ERAP1: variants seen among roughly 807,000 people sequenced by gnomAD.
ERAP1 encodes the protein adipocyte-derived leucine aminopeptidase.
A neutral mutation model predicts 103.7 loss-of-function variants in ERAP1; 86 were observed. The observed-to-expected ratio is 0.83, with a 90% CI of 0.70 to 0.99. The LOEUF (loss-of-function observed/expected upper bound fraction) is 0.99, where lower values mean the gene tolerates loss of function less well. Ranked by LOEUF, ERAP1 falls within the 50% of genes least tolerant of loss-of-function variation. The probability of loss-of-function intolerance (pLI) is 0.00; values close to 1 mark genes in which losing one functional copy is unlikely to be tolerated. For synonymous variants in ERAP1, 398 were observed against 402.4 expected (o/e 0.99, Z 0.13); for missense variants, 1,009 against 1,128.4 (o/e 0.89, Z 1.52).
chr5:96,913,710 G>A, the ERAP1 span, among the ~76,000 whole-genome samples: 16 of 152,182 alleles, frequency 1.1e-4, no homozygotes, highest in Admixed American at 6.5e-4. Flanking sequence ...CATCAAGTCC[G>A]AGTTGAATTA....
chr5:96,908,727 A>G, the ERAP1 span, among the ~76,000 whole-genome samples: 1 of 152,228 alleles, frequency 6.6e-6, no homozygotes, highest in Non-Finnish European at 1.5e-5. Context: ...CAAGCCTATG[A>G]GGAAGATAGT....
intron 3 of ERAP1, among the ~76,000 whole-genome samples, chr5:96,799,683 G>A (rs900434594): frequency 1.3e-5 from 2 of 152,174 alleles, no homozygotes; most frequent in African/African-American, 4.8e-5. Context: ...TTCTGTCCCA[G>A]GGAGTAATAC....
the ERAP1 span, among the ~76,000 whole-genome samples, chr5:96,837,761 G>T: frequency 5.7e-4 from 87 of 152,314 alleles, 1 homozygote; most frequent in East Asian, 0.014. Context: ...TCTGGCATTC[G>T]GGAGGAATGA....
At chr5:96,810,218 C>T (rs1199497538), upstream of ERAP1, among the ~76,000 whole-genome samples, 1 of 152,174 alleles carries the variant, frequency 6.6e-6, no homozygotes, top group African/African-American at 2.4e-5. Flanking sequence ...AGTTTCAAAG[C>T]CCTAGCAGGG....
chr5:96,913,248 G>T, the ERAP1 span: 1 of 1,217,658 alleles, frequency 8.2e-7, no homozygotes. Context: ...TTAATATATT[G>T]GTGGCTTGAG....
the ERAP1 span, among the ~76,000 whole-genome samples, chr5:96,878,684 T>C: frequency 6.6e-6 from 1 of 152,040 alleles, no homozygotes; most frequent in Non-Finnish European, 1.5e-5. Flanking sequence ...TCTCAGCACT[T>C]TGGGAGGCTG....
chr5:96,807,668 T>TCGCGCCCCGTCGCCTTCCTCC (rs879543923), intron 1 of ERAP1, among the ~76,000 whole-genome samples, 192 bp downstream of exon 1: 70 of 150,912 alleles, frequency 4.6e-4, no homozygotes, highest in African/African-American at 1.6e-3. Flanking sequence ...GCGCCCTGTC[T>TCGCGCCCCGTCGCCTTCCTCC]CGCGCCCCGT....
chr5:96,805,549 C>T (rs1457548675), intron 1 of ERAP1: 1 of 152,198 alleles, frequency 6.6e-6, no homozygotes, highest in East Asian at 1.9e-4. Context: ...GAATTCCCTT[C>T]TCCTCACCTC....
At chr5:96,768,310 T>C in intron 19 of ERAP1, 1 of 412,242 alleles carries the variant, frequency 2.4e-6, no homozygotes, top group Non-Finnish European at 4.6e-6. Flanking sequence ...TCTCGAGCTC[T>C]TGGGCTCAAG....
Position 96,786,145 on chromosome 5 carries a change from C to T in ERAP1, c.1760-174G>A, listed in dbSNP as rs1366801225. On this transcript the variant is annotated intron_variant, in intron 12 of 18. Coordinates refer to ENST00000443439, the MANE Select transcript of ERAP1 (RefSeq NM_001040458.3). Reference sequence around the variant, plus strand: ...GCAACTCAATAGACAAAAGCTAACACTAGCTTTAGACATCAATTTTGTGAG... The same window carrying T: ...GCAACTCAATAGACAAAAGCTAACATTAGCTTTAGACATCAATTTTGTGAG... 9.0e-6 allele frequency: 6 copies of T among 666,594 alleles called. No homozygotes were observed. The Admixed American group carries it at 1.3e-4, about 14-fold the overall frequency. 41.3% of individuals were successfully genotyped at this position (666,594 alleles called of 1,614,324 possible). A position where few individuals can be genotyped will look rare whatever the true frequency, so the allele number is the denominator to read the frequency against.
Position 96,776,404 on chromosome 5 carries a change from G to A in ERAP1, c.2818C>T (p.Arg940Cys), listed in dbSNP as rs558484855. 96 of 1,611,446 alleles carry A rather than the reference G, an allele frequency of 6.0e-5. No homozygotes were observed. The South Asian group carries it at 7.7e-4, about 13-fold the overall frequency. ...TGGCAAGGGAGGAATTTTTACATACGTTCAAGCTTTTCACTTTGCAGCCAC... is the reference window on the plus strand; with the variant it reads ...TGGCAAGGGAGGAATTTTTACATACATTCAAGCTTTTCACTTTGCAGCCAC... ...RVWLQSEKLE[R>C]M The change falls in exon 19 of 19, where the codon CGT becomes TGT. Residue 940 changes from arginine (R) to cysteine (C), a missense_variant. Transcript: ENST00000443439.
intron 18 of ERAP1, 51 bp from the exon 19 acceptor site, chr5:96,776,602 G>A: frequency 6.3e-7 from 1 of 1,596,308 alleles, no homozygotes; most frequent in Non-Finnish European, 8.5e-7. Flanking sequence ...ACATTAATCA[G>A]ATGTAACTTT....
chr5:96,825,220 T>C, the ERAP1 span, among the ~76,000 whole-genome samples: 1 of 152,246 alleles, frequency 6.6e-6, no homozygotes, highest in African/African-American at 2.4e-5. Flanking sequence ...CTTTTTAATT[T>C]CTTGAAACAT....
the ERAP1 span, among the ~76,000 whole-genome samples, chr5:96,859,097 AC>A: frequency 7.3e-6 from 1 of 136,406 alleles, no homozygotes; most frequent in Non-Finnish European, 1.5e-5. Context: ...ACACACACAC[AC>A]ACACACACTG....
chr5:96,775,600 G>T lies in ERAP1; in HGVS notation c.*796C>A. 1.4e-6 allele frequency: 1 copy of T among 706,724 alleles called. No individual in the cohort carries two copies. The highest frequency in any genetic ancestry group is 1.7e-6 in the Non-Finnish European group (1 of 575,580). 43.8% of individuals were successfully genotyped at this position (706,724 alleles called of 1,614,324 possible). A position where few individuals can be genotyped will look rare whatever the true frequency, so the allele number is the denominator to read the frequency against. Reference sequence around the variant, plus strand: ...TTTTGCAAAAGTGCGAGCACATTATGTAGAAACCACAAGTCCGCCAGGACT... The same window carrying T: ...TTTTGCAAAAGTGCGAGCACATTATTTAGAAACCACAAGTCCGCCAGGACT... On this transcript the variant is annotated 3_prime_UTR_variant, in exon 19 of 19. Transcript: ENST00000443439.
At chr5:96,774,297 T>TAAAG (rs1561649027), downstream of ERAP1, 2 of 167,908 alleles carry the variant, frequency 1.2e-5, no homozygotes, top group African/African-American at 2.4e-5. Context: ...TCCAGAAGTT[T>TAAAG]AAAGATGCCT....
chr5:96,909,301 C>T, the ERAP1 span, among the ~76,000 whole-genome samples: 2 of 152,290 alleles, frequency 1.3e-5, no homozygotes, highest in African/African-American at 4.8e-5. Flanking sequence ...AGCTAGATAC[C>T]AGGATCATGT....
chr5:96,934,395 G>C, the ERAP1 span: 1 of 152,254 alleles, frequency 6.6e-6, no homozygotes. Context: ...CTAAGCAGAA[G>C]AAACAGTTCT....
At chr5:96,862,139 C>G in the ERAP1 span, among the ~76,000 whole-genome samples, 2 of 152,112 alleles carry the variant, frequency 1.3e-5, no homozygotes, top group Non-Finnish European at 2.9e-5. Flanking sequence ...CACAATCATG[C>G]CCAGCTAGTT....
Sources: gnomAD v4.1 joint callset for allele counts (sites outside exome capture counted in the v4.1 genomes callset) on GRCh38, gnomAD v4.1.1 for gene constraint, MANE v1.5 for transcripts, NCBI Gene and HGNC (gene_info 2026-07-23, HGNC 2026-07-21) for gene names.